Variants in TNS4 observed in about 807,000 individuals in gnomAD.
TNS4 encodes tensin 4.
A neutral mutation model predicts 70.4 loss-of-function variants in TNS4; 46 were observed. The ratio of observed to expected loss-of-function variants is 0.65; its 90% CI spans 0.52 to 0.84. The LOEUF (loss-of-function observed/expected upper bound fraction) is 0.84, where lower values mean the gene tolerates loss of function less well. TNS4 is among the 40% of genes least tolerant of loss of function. The probability of loss-of-function intolerance (pLI) is 0.00; values close to 1 mark genes in which losing one functional copy is unlikely to be tolerated. For synonymous variants in TNS4, 390 were observed against 366.6 expected (o/e 1.06, Z -0.73); for missense variants, 863 against 907.0 (o/e 0.95, Z 0.62).
Position 40,477,735 on chromosome 17 carries a change from G to A in TNS4, c.2007-6C>T, listed in dbSNP as rs199638359. On this transcript the variant is annotated splice_region_variant and splice_polypyrimidine_tract_variant and intron_variant, in intron 12 of 12. Transcript: ENST00000254051. ...TGGCCACAAACCCAAAGATCCTGGT[G>A]GGGGAGGGCAGTCTGAGTGAGGGGT... 9.3e-5 allele frequency: 150 copies of A among 1,613,496 alleles called. No homozygotes were observed. The highest frequency in any genetic ancestry group is 3.8e-4 in the South Asian group (35 of 91,082).
intron 2 of TNS4, among the ~76,000 whole-genome samples, chr17:40,490,238 G>A (rs959907882): frequency 2.0e-5 from 3 of 152,232 alleles, no homozygotes; most frequent in Non-Finnish European, 2.9e-5. Context: ...CTCCCTGGTC[G>A]GGGCATCCAG....
chr17:40,479,241 G>A (rs1332990029), intron 10 of TNS4, among the ~76,000 whole-genome samples: 2 of 152,110 alleles, frequency 1.3e-5, no homozygotes, highest in Non-Finnish European at 2.9e-5. Context: ...TCCGCCTCCT[G>A]GGTTCAAGCA....
Position 40,487,148 on chromosome 17 carries a change from TG to T in TNS4, c.1175del (p.Pro392GlnfsTer48). 1.2e-6 allele frequency: 2 copies of T among 1,614,154 alleles called. No individual in the cohort carries two copies. The highest frequency in any genetic ancestry group is 1.7e-6 in the Non-Finnish European group (2 of 1,180,014). On this transcript the variant is annotated frameshift_variant, in exon 4 of 13. Transcript: ENST00000254051. LOFTEE classifies it high-confidence loss of function. The stretch of plus-strand genomic sequence containing the variant: ...CAGGTTGAACGGAGTTCTGGTGTCC[TG>T]GGGTCCGCTGGGGTGGAGAAGACCC... ...EPGSSPPQRT[P>X]GHQNSVQPGA...
intron 1 of TNS4, among the ~76,000 whole-genome samples, chr17:40,499,704 T>TC (rs1567816319): frequency 6.6e-6 from 1 of 152,196 alleles, no homozygotes; most frequent in East Asian, 1.9e-4. Flanking sequence ...GCCTCTGCGC[T>TC]CCCGCCCTCC....
chr17:40,486,263 C>T (rs1171250681), intron 4 of TNS4, among the ~76,000 whole-genome samples: 1 of 152,166 alleles, frequency 6.6e-6, no homozygotes, highest in East Asian at 1.9e-4. Context: ...TCTATTACCC[C>T]ATCCACCCCC....
At position 40,479,825 on chromosome 17, in the gene TNS4, G is replaced by A. The variant is rs2035898291; in HGVS notation, c.1759C>T (p.Leu587=). The A allele has an allele frequency of 6.2e-7, 1 of 1,612,562 alleles. No homozygotes were observed. The highest frequency in any genetic ancestry group is 2.2e-5 in the East Asian group (1 of 44,842). Residue 587 remains leucine (L), a synonymous_variant, in exon 10 of 13, where the codon CTG becomes TTG. Coordinates refer to ENST00000254051, the MANE Select transcript of TNS4 (RefSeq NM_032865.6). ...KKSAGCHTLY[L]SSVSVETLTG... is the part of the protein sequence containing the mutation. ...AGGGTCTCCACGCTCACTGAGCTCA[G>A]GTACAGGGTGTGGCAGCCTGTGGGA... is the stretch of plus-strand genomic sequence containing the variant.
chr17:40,491,653 G>C (rs2036067376), intron 2 of TNS4, among the ~76,000 whole-genome samples: 1 of 151,908 alleles, frequency 6.6e-6, no homozygotes, highest in Non-Finnish European at 1.5e-5. Flanking sequence ...GGGTCACTGA[G>C]TAAGGAGAGC....
At chr17:40,499,152 C>T (rs1039539450) in intron 1 of TNS4, among the ~76,000 whole-genome samples, 17 of 152,178 alleles carry the variant, frequency 1.1e-4, no homozygotes, top group Non-Finnish European at 2.9e-5. Context: ...CTGACCTAAT[C>T]GGTTATGTTA....
intron 4 of TNS4, among the ~76,000 whole-genome samples, chr17:40,485,896 T>C (rs147607275): frequency 9.8e-5 from 15 of 152,382 alleles, no homozygotes; most frequent in Non-Finnish European, 1.9e-4. Context: ...TCAGGGCAGA[T>C]GCAAAGGCAC....
At chr17:40,488,155 G>T (rs1160394536) in intron 3 of TNS4, among the ~76,000 whole-genome samples, 1 of 152,182 alleles carries the variant, frequency 6.6e-6, no homozygotes, top group African/African-American at 2.4e-5. Context: ...GCTAGGTTTT[G>T]CCAGCAACAG....
At chr17:40,482,283 G>GC (rs769414703) in intron 7 of TNS4, 41 bp downstream of exon 7, 23 of 1,613,254 alleles carry the variant, frequency 1.4e-5, no homozygotes, top group Non-Finnish European at 2.0e-5. Flanking sequence ...GACTTCGCTG[G>GC]CCCCCCATCC....
chr17:40,486,957 C>T (rs2035996752), intron 4 of TNS4, 79 bp downstream of exon 4: 4 of 1,542,374 alleles, frequency 2.6e-6, no homozygotes, highest in Non-Finnish European at 2.7e-6. Context: ...AATGTGTTGA[C>T]TGGCTGTTGC....
rs553610391 is a variant in TNS4 at position 40,493,240 on chromosome 17, A to G, written c.439+2747T>C. 2.5e-3 allele frequency among the ~76,000 whole-genome samples: 387 copies of G among 152,336 alleles called. 1 individual carries two copies. Among genetic ancestry groups the G allele is most frequent in the Middle Eastern group, 0.01 (3 of 294 alleles). On this transcript the variant is annotated intron_variant, in intron 2 of 12. Transcript: ENST00000254051. ...CAATGTTTAATTTTTAAATTCTGCC[A>G]AGTTAGGACAAAAAGGAAAAGTAAA...
At chr17:40,481,482 A>T (rs759391914) in intron 8 of TNS4, among the ~76,000 whole-genome samples, 1 of 152,122 alleles carries the variant, frequency 6.6e-6, no homozygotes, top group Non-Finnish European at 1.5e-5. Flanking sequence ...CTCCTGCCTC[A>T]GCCTCCTGAG....
At chr17:40,494,404 C>T (rs1468713608) in intron 2 of TNS4, among the ~76,000 whole-genome samples, 1 of 152,158 alleles carries the variant, frequency 6.6e-6, no homozygotes, top group African/African-American at 2.4e-5. Context: ...CTTACTTAAC[C>T]CCAGCAACCC....
At chr17:40,483,483 G>C (rs1290662194) in intron 6 of TNS4, among the ~76,000 whole-genome samples, 1 of 152,182 alleles carries the variant, frequency 6.6e-6, no homozygotes, top group Admixed American at 6.5e-5. Flanking sequence ...TTACTGGCGT[G>C]AGCCACTGTG....
At chr17:40,500,843 G>A (rs1235280298) in intron 1 of TNS4, among the ~76,000 whole-genome samples, 2 of 151,936 alleles carry the variant, frequency 1.3e-5, no homozygotes, top group East Asian at 3.9e-4. Context: ...CTCAGGCAGG[G>A]ACCCATAGGA....
At chr17:40,498,131 C>T (rs2036168560) in intron 1 of TNS4, among the ~76,000 whole-genome samples, 2 of 152,200 alleles carry the variant, frequency 1.3e-5, no homozygotes, top group South Asian at 2.1e-4. Flanking sequence ...TCTCTTTCTT[C>T]TCGTTGCCAA....
chr17:40,494,385 G>C (rs1015602692), intron 2 of TNS4, among the ~76,000 whole-genome samples: 4 of 152,254 alleles, frequency 2.6e-5, no homozygotes, highest in African/African-American at 9.6e-5. Flanking sequence ...CATTAGGCTA[G>C]ACTGGCTCCT....
Sources: gnomAD v4.1 joint callset for allele counts (sites outside exome capture counted in the v4.1 genomes callset) on GRCh38, gnomAD v4.1.1 for gene constraint, MANE v1.5 for transcripts, NCBI Gene and HGNC (gene_info 2026-07-23, HGNC 2026-07-21) for gene names.